Variants in DNAH14 observed in about 807,000 individuals in gnomAD.
DNAH14 encodes axonemal beta dynein heavy chain 14.
Under a neutral mutation model 520.9 loss-of-function variants are expected in DNAH14, and 478 were observed. The ratio of observed to expected loss-of-function variants is 0.92; its 90% CI spans 0.85 to 0.99. The LOEUF (loss-of-function observed/expected upper bound fraction) is 0.99, where lower values mean the gene tolerates loss of function less well. Ranked by LOEUF, DNAH14 falls within the 50% of genes least tolerant of loss-of-function variation. The pLI, the probability that DNAH14 is intolerant of heterozygous loss-of-function variation, is 0.00. For missense variants in DNAH14, 4,831 were observed against 5,234.5 expected (o/e 0.92, Z 2.38); for synonymous variants, 1,581 against 1,757.2 (o/e 0.90, Z 2.51).
In DNAH14 at chr1:225,205,979, T is replaced by G. The variant is rs2087503782; in HGVS notation, c.5986T>G (p.Trp1996Gly). The G allele has an allele frequency of 5.2e-6, 8 of 1,549,812 alleles. No homozygotes were observed. The highest frequency in any genetic ancestry group is 1.2e-5 in the South Asian group (1 of 83,500). The change falls in exon 40 of 86, where the codon TGG becomes GGG. Residue 1996 changes from tryptophan to glycine, a missense_variant. By Grantham distance (184) the Trp-to-Gly change is radical (BLOSUM62 -2). Transcript: ENST00000682510. ...VKIPENHNFDWQWIILDGPVD... is the reference protein window; with the variant it reads ...VKIPENHNFDGQWIILDGPVD... Reference sequence around the variant, plus strand: ...AATATTTTTCTCTCCAGATTTTGATTGGCAGTGGATTATCCTAGATGGCCC... The same window carrying G: ...AATATTTTTCTCTCCAGATTTTGATGGGCAGTGGATTATCCTAGATGGCCC...
At chr1:225,115,078 T>G (rs1204896813) in intron 23 of DNAH14, among the ~76,000 whole-genome samples, 1 of 152,206 alleles carries the variant, frequency 6.6e-6, no homozygotes, top group East Asian at 1.9e-4. Context: ...ATAATGATAG[T>G]GCTACCTTGA....
At chr1:225,342,465 A>G (rs1055685886) in intron 69 of DNAH14, among the ~76,000 whole-genome samples, 11 of 152,246 alleles carry the variant, frequency 7.2e-5, no homozygotes, top group Admixed American at 5.9e-4. Flanking sequence ...AATTAAATAT[A>G]TATTTTTATT....
intron 84 of DNAH14, 150 bp from the exon 85 acceptor site, chr1:225,398,369 GA>G (rs569447553): frequency 7.2e-4 from 675 of 943,364 alleles, no homozygotes; most frequent in Non-Finnish European, 9.6e-4. Context: ...CTCAGAATAG[GA>G]AAAAAAATAA....
chr1:224,974,611 T>A (rs910236694), intron 8 of DNAH14, among the ~76,000 whole-genome samples: 6 of 152,206 alleles, frequency 3.9e-5, no homozygotes, highest in Non-Finnish European at 5.9e-5. Flanking sequence ...GTTGCAAAAC[T>A]ACAGTCTATG....
Position 225,305,014 on chromosome 1 carries a change from C to T in DNAH14, c.8930C>T (p.Pro2977Leu). The change falls in exon 58 of 86, where the codon CCC (proline) becomes CTC (leucine). Residue 2977 changes from proline (P) to leucine (L), a missense_variant. Pro to Leu is a moderately conservative substitution (Grantham distance 98). Transcript: ENST00000682510. ...EETGRFYYTT[P>L]NSYLQFMETF... is the part of the protein sequence containing the mutation. ...ACTGGAAGATTTTATTATACCACTCCCAATAGCTACTTGCAATTTATGGAA... is the reference window on the plus strand; with the variant it reads ...ACTGGAAGATTTTATTATACCACTCTCAATAGCTACTTGCAATTTATGGAA... 6.5e-7 allele frequency: 1 copy of T among 1,545,900 alleles called. No individual in the cohort carries two copies. The highest frequency in any genetic ancestry group is 8.7e-7 in the Non-Finnish European group (1 of 1,145,792).
intron 27 of DNAH14, among the ~76,000 whole-genome samples, chr1:225,134,980 A>C (rs926586243): frequency 6.6e-6 from 1 of 151,358 alleles, no homozygotes; most frequent in Admixed American, 6.6e-5. Context: ...GAAATTGTCT[A>C]TTTCTTGTTT....
chr1:225,267,820 A>G (rs2093173129), intron 49 of DNAH14, among the ~76,000 whole-genome samples: 1 of 151,748 alleles, frequency 6.6e-6, no homozygotes. Context: ...TGTGAGCGCT[A>G]TCAGGTCAGA....
chr1:225,376,973 T>TTA (rs772094179), intron 78 of DNAH14, among the ~76,000 whole-genome samples: 2 of 151,850 alleles, frequency 1.3e-5, no homozygotes, highest in Non-Finnish European at 2.9e-5. Context: ...TTAAAGCGTT[T>TTA]TTTTTTTCTT....
intron 26 of DNAH14, among the ~76,000 whole-genome samples, chr1:225,120,242 C>T (rs897262405): frequency 9.2e-5 from 14 of 152,154 alleles, no homozygotes; most frequent in African/African-American, 3.1e-4. Context: ...TTCTTGCTGT[C>T]TTCTGTTCCT....
At chr1:224,965,426 G>T (rs770637964) in intron 5 of DNAH14, among the ~76,000 whole-genome samples, 1 of 152,052 alleles carries the variant, frequency 6.6e-6, no homozygotes, top group Non-Finnish European at 1.5e-5. Flanking sequence ...AGGATCAGTA[G>T]ATTTTTTTCT....
intron 27 of DNAH14, among the ~76,000 whole-genome samples, chr1:225,125,574 A>C (rs920889657): frequency 3.3e-5 from 5 of 152,210 alleles, no homozygotes; most frequent in African/African-American, 1.2e-4. Context: ...CAGTCTTCAC[A>C]GAATTGAAAA....
At chr1:225,039,900 A>G (rs1466991610) in intron 12 of DNAH14, among the ~76,000 whole-genome samples, 2 of 131,232 alleles carry the variant, frequency 1.5e-5, no homozygotes, top group Non-Finnish European at 3.4e-5. Flanking sequence ...AAAAAAAAAA[A>G]AGTAGCCTTG....
Position 225,324,801 on chromosome 1 carries a change from G to A in DNAH14, c.9692G>A (p.Arg3231Lys). 1 of 1,551,424 alleles carries A rather than the reference G, an allele frequency of 6.4e-7. No homozygotes were observed. Among genetic ancestry groups the A allele is most frequent in the Non-Finnish European group, 8.7e-7 (1 of 1,146,914 alleles). Reference protein sequence around the residue: ...AQNVLKIARQRLAEKQRGLQL... With the variant: ...AQNVLKIARQKLAEKQRGLQL... ...AACGTCCTTAAAATTGCGCGACAAA[G>A]ACTTGCTGAGAAACAAAGAGGTTTA... Residue 3231 changes from arginine to lysine, a missense_variant, in exon 64 of 86, where the codon AGA becomes AAA. Coordinates refer to ENST00000682510, the MANE Select transcript of DNAH14 (RefSeq NM_001367479.1).
chr1:225,271,687 A>C (rs2093318841), intron 50 of DNAH14, among the ~76,000 whole-genome samples: 1 of 152,176 alleles, frequency 6.6e-6, no homozygotes, highest in African/African-American at 2.4e-5. Flanking sequence ...TAGACCATTC[A>C]AGAGACTAGC....
intron 1 of DNAH14, among the ~76,000 whole-genome samples, chr1:224,945,011 C>G (rs1450532388): frequency 1.3e-5 from 2 of 152,124 alleles, no homozygotes; most frequent in South Asian, 2.1e-4. Flanking sequence ...GTGGCATTCT[C>G]TGTATTTCCT....
intron 21 of DNAH14, among the ~76,000 whole-genome samples, chr1:225,093,726 A>G (rs1438052897): frequency 6.6e-6 from 1 of 152,214 alleles, no homozygotes; most frequent in African/African-American, 2.4e-5. Flanking sequence ...TTCTATACCT[A>G]GAAAATGCCA....
chr1:224,974,203 T>C lies in DNAH14; in HGVS notation c.830+50T>C, dbSNP rs1028657995. ...AAAATTTCAAAAGGAAGCTGTATGT[T>C]TTACATGTACTATGGAAGCAGATAT... is the stretch of plus-strand genomic sequence containing the variant. On this transcript the variant is annotated intron_variant, in intron 8 of 85. Coordinates refer to ENST00000682510, the MANE Select transcript of DNAH14 (RefSeq NM_001367479.1). 3 of 1,230,712 alleles carry C rather than the reference T, an allele frequency of 2.4e-6. No individual in the cohort carries two copies. In the Admixed American group the frequency reaches 8.4e-5, roughly 34 times the overall value. The allele number at this position is 1,230,712 out of a possible 1,614,324, so 76.2% of individuals were successfully genotyped here.
At chr1:225,149,444 GT>G (rs1272854285) in intron 31 of DNAH14, among the ~76,000 whole-genome samples, 2 of 152,118 alleles carry the variant, frequency 1.3e-5, no homozygotes, top group African/African-American at 4.8e-5. Flanking sequence ...TTGTAAAATA[GT>G]TTTTTTCTAA....
chr1:225,247,223 TTG>T (rs1164337946), intron 43 of DNAH14, among the ~76,000 whole-genome samples: 1 of 151,930 alleles, frequency 6.6e-6, no homozygotes, highest in East Asian at 1.9e-4. Flanking sequence ...CTGGGGCCTG[TTG>T]CGGGGTGGGG....
Sources: allele counts gnomAD v4.1 joint callset (sites outside exome capture counted in the v4.1 genomes callset), GRCh38; gene constraint gnomAD v4.1.1; transcripts MANE v1.5; gene names NCBI Gene and HGNC (gene_info 2026-07-23, HGNC 2026-07-21).